Variants in ARHGAP32 observed in about 807,000 individuals in gnomAD.
ARHGAP32 encodes rho GTPase-activating protein 32.
Under a neutral mutation model 186.5 loss-of-function variants are expected in ARHGAP32, and 51 were observed. The observed-to-expected ratio is 0.27, with a 90% CI of 0.22 to 0.35. ARHGAP32 has a LOEUF of 0.35. Among genes scored for constraint, ARHGAP32 ranks in the 10% least tolerant of loss-of-function variants. The pLI, the probability that ARHGAP32 is intolerant of heterozygous loss-of-function variation, is 1.00. For missense variants in ARHGAP32, 2,186 were observed against 2,623.5 expected (o/e 0.83, Z 3.64); for synonymous variants, 950 against 964.3 (o/e 0.99, Z 0.27).
chr11:129,262,654 C>T (rs559194164), intron 1 of ARHGAP32, among the ~76,000 whole-genome samples: 111 of 152,206 alleles, frequency 7.3e-4, no homozygotes, highest in Non-Finnish European at 1.2e-3. Context: ...GCCTTGGCCT[C>T]CCAAAGTGCT....
chr11:129,110,315 A>G (rs1012144653), intron 5 of ARHGAP32, among the ~76,000 whole-genome samples: 3 of 152,006 alleles, frequency 2.0e-5, no homozygotes, highest in Admixed American at 6.6e-5. Flanking sequence ...TTGTTTCTAT[A>G]CCAATACCAT....
At position 129,135,542 on chromosome 11, in the gene ARHGAP32, C is replaced by T. The variant is rs560097824; in HGVS notation, c.226-10648G>A. ...CAGCACTTTGGGAGGCCAAGGCTGG[C>T]GGATCAGAAGGTCAGGAGATCGAGA... On this transcript the variant is annotated intron_variant, in intron 2 of 22. Transcript: ENST00000682385. Among the ~76,000 whole-genome samples the T allele has an allele frequency of 8.5e-5, 13 of 152,122 alleles. No homozygotes were observed. In the Middle Eastern group the frequency reaches 0.014, roughly 160 times the overall value.
At chr11:129,103,104 A>G (rs1941947254) in intron 5 of ARHGAP32, among the ~76,000 whole-genome samples, 1 of 152,204 alleles carries the variant, frequency 6.6e-6, no homozygotes, top group African/African-American at 2.4e-5. Flanking sequence ...ATGCTACAAC[A>G]GGGATGAACA....
intron 10 of ARHGAP32, among the ~76,000 whole-genome samples, chr11:129,059,148 A>G (rs1210726356): frequency 6.6e-6 from 1 of 152,172 alleles, no homozygotes; most frequent in Non-Finnish European, 1.5e-5. Context: ...GTGAATGTAA[A>G]AATCATGCTT....
intron 6 of ARHGAP32, among the ~76,000 whole-genome samples, chr11:129,090,071 T>C (rs1941530134): frequency 1.3e-5 from 2 of 152,238 alleles, no homozygotes. Flanking sequence ...TACTCATCTA[T>C]GAAATGGGAA....
chr11:128,987,687 C>A (rs901525795), intron 13 of ARHGAP32, among the ~76,000 whole-genome samples: 2 of 152,096 alleles, frequency 1.3e-5, no homozygotes, highest in Non-Finnish European at 2.9e-5. Flanking sequence ...CCATTCCCAT[C>A]CATTTTAATT....
At chr11:129,066,347 T>C (rs951176910) in intron 7 of ARHGAP32, among the ~76,000 whole-genome samples, 4 of 152,042 alleles carry the variant, frequency 2.6e-5, no homozygotes, top group Admixed American at 2.6e-4. Context: ...TATTTTTTTG[T>C]AGGGGTGAAG....
intron 1 of ARHGAP32, among the ~76,000 whole-genome samples, chr11:129,260,379 C>T (rs1443282776): frequency 6.6e-6 from 1 of 151,594 alleles, no homozygotes. Context: ...TTTTTCTCAC[C>T]CTGTCTCTAT....
chr11:129,172,990 G>GAAA (rs138385970), intron 1 of ARHGAP32, among the ~76,000 whole-genome samples: 4 of 126,170 alleles, frequency 3.2e-5, no homozygotes, highest in African/African-American at 1.2e-4. Context: ...CCTCCAAAAA[G>GAAA]AAAAAAAAAA....
intron 12 of ARHGAP32, among the ~76,000 whole-genome samples, chr11:128,990,549 C>T (rs141032241): frequency 2.0e-5 from 3 of 152,186 alleles, no homozygotes; most frequent in East Asian, 3.9e-4. Flanking sequence ...TAAAAATATT[C>T]AAGACTTTCA....
At chr11:129,102,949 C>T (rs1042620300) in intron 5 of ARHGAP32, among the ~76,000 whole-genome samples, 9 of 152,238 alleles carry the variant, frequency 5.9e-5, no homozygotes, top group African/African-American at 1.7e-4. Context: ...CATTATTCAT[C>T]ATAACTAAAA....
At chr11:129,219,906 T>G (rs1427731626) in intron 1 of ARHGAP32, among the ~76,000 whole-genome samples, 2 of 152,076 alleles carry the variant, frequency 1.3e-5, no homozygotes, top group Non-Finnish European at 2.9e-5. Context: ...ATAATTAGTC[T>G]GCCAGGCTTC....
At chr11:129,089,309 C>CT (rs1344922333) in intron 6 of ARHGAP32, among the ~76,000 whole-genome samples, 2 of 151,878 alleles carry the variant, frequency 1.3e-5, no homozygotes, top group Non-Finnish European at 2.9e-5. Context: ...AAAACAAATA[C>CT]TTTTTAAAGT....
upstream of ARHGAP32, among the ~76,000 whole-genome samples, chr11:129,193,604 A>ATATATGT (rs1944329429): frequency 1.3e-5 from 1 of 74,438 alleles, no homozygotes; most frequent in Non-Finnish European, 2.5e-5. Context: ...GTTATATATA[A>ATATATGT]TATATAATAT....
chr11:129,279,625 G>A (rs1265531618), upstream of ARHGAP32, among the ~76,000 whole-genome samples: 1 of 145,868 alleles, frequency 6.9e-6, no homozygotes, highest in Non-Finnish European at 1.5e-5. Flanking sequence ...CCGCAGCGGG[G>A]AGAAGAGGCG....
chr11:129,159,416 T>G (rs1475382079), intron 2 of ARHGAP32, among the ~76,000 whole-genome samples: 2 of 152,148 alleles, frequency 1.3e-5, no homozygotes, highest in Non-Finnish European at 2.9e-5. Flanking sequence ...CAGAGAATAC[T>G]GTAAACACCT....
chr11:128,998,172 A>T, intron 12 of ARHGAP32, 147 bp downstream of exon 12: 1 of 563,862 alleles, frequency 1.8e-6, no homozygotes, highest in Non-Finnish European at 2.8e-6. Flanking sequence ...CTCCATCCAG[A>T]ACTGAGTACC....
At chr11:129,184,818 G>C (rs543338989) in intron 1 of ARHGAP32, among the ~76,000 whole-genome samples, 16 of 152,084 alleles carry the variant, frequency 1.1e-4, no homozygotes, top group Admixed American at 2.0e-4. Context: ...CAAAGGAAAA[G>C]AAAAAAACAG....
intron 5 of ARHGAP32, among the ~76,000 whole-genome samples, chr11:129,106,456 G>A (rs1261956296): frequency 2.6e-5 from 4 of 152,088 alleles, no homozygotes; most frequent in East Asian, 1.9e-4. Flanking sequence ...TCACTCATAA[G>A]TCGGAGCTGA....
Sources: gnomAD v4.1 joint callset for allele counts (sites outside exome capture counted in the v4.1 genomes callset) on GRCh38, gnomAD v4.1.1 for gene constraint, MANE v1.5 for transcripts, NCBI Gene and HGNC (gene_info 2026-07-23, HGNC 2026-07-21) for gene names.